The following USP24 variants were observed in gnomAD, a reference collection of about 807,000 sequenced individuals.
The protein encoded by USP24 is ubiquitin carboxyl-terminal hydrolase 24.
USP24 carries 97 observed loss-of-function variants against 361.6 expected under a neutral mutation model. That is an observed-to-expected ratio of 0.27 (90% CI 0.23 to 0.32). USP24 has a LOEUF of 0.32. USP24 is among the 10% of genes least tolerant of loss of function. The pLI is 1.00. For missense variants in USP24, 2,353 were observed against 3,165.6 expected (o/e 0.74, Z 6.16); for synonymous variants, 1,098 against 1,124.6 (o/e 0.98, Z 0.47).
At chr1:55,147,138 T>A (rs745883477) in intron 18 of USP24, 78 bp from the exon 19 acceptor site, 245 of 1,373,044 alleles carry the variant, frequency 1.8e-4, no homozygotes, top group Non-Finnish European at 2.3e-4. Context: ...AACAAAACTT[T>A]AAGTTTTAAC....
chr1:55,076,888 T>C lies in USP24; in HGVS notation c.7380+347A>G, dbSNP rs556169757. On this transcript the variant is annotated intron_variant, in intron 62 of 67. Transcript: ENST00000294383. The stretch of plus-strand genomic sequence containing the variant: ...CCAGAAATGTACCTCTGAGGGTGAC[T>C]GTGAAGTTTAAACCTAATATCATTT... Among the ~76,000 whole-genome samples the C allele has an allele frequency of 2.0e-5, 3 of 152,354 alleles. No homozygotes were observed. The South Asian group carries it at 6.2e-4, about 32-fold the overall frequency.
At chr1:55,072,152 A>C (rs1221115930) in intron 66 of USP24, among the ~76,000 whole-genome samples, 165 bp downstream of exon 66, 3 of 152,082 alleles carry the variant, frequency 2.0e-5, no homozygotes, top group Non-Finnish European at 2.9e-5. Flanking sequence ...AATTTGTGTA[A>C]GTGTACACCA....
intron 3 of USP24, among the ~76,000 whole-genome samples, chr1:55,175,396 T>G (rs1428291064): frequency 6.6e-6 from 1 of 151,924 alleles, no homozygotes; most frequent in African/African-American, 2.4e-5. Context: ...CCAGCTAATT[T>G]TTTGCATTTT....
chr1:55,166,092 A>G, intron 6 of USP24, 142 bp from the exon 7 acceptor site: 2 of 613,084 alleles, frequency 3.3e-6, no homozygotes, highest in Middle Eastern at 4.0e-4. Context: ...TGAAATAAGC[A>G]CATCATGGAG....
intron 53 of USP24, among the ~76,000 whole-genome samples, 165 bp from the exon 54 acceptor site, chr1:55,092,291 AT>A (rs1278435686): frequency 6.6e-6 from 1 of 152,250 alleles, no homozygotes. Context: ...TTATAAAAAA[AT>A]GTTCCATTTA....
chr1:55,166,653 A>G lies in USP24; in HGVS notation c.826-50T>C, dbSNP rs1648896878. 6 of 1,450,484 alleles carry G rather than the reference A, an allele frequency of 4.1e-6. No individual in the cohort carries two copies. In the South Asian group the frequency reaches 6.5e-5, roughly 16 times the overall value. The allele number at this position is 1,450,484 out of a possible 1,614,324, so 89.9% of individuals were successfully genotyped here. Reference sequence around the variant, plus strand: ...GAGATGGCAATATAAAAGCTTCCCCATTAACCCTTACATTTCTTTTATCCT... The same window carrying G: ...GAGATGGCAATATAAAAGCTTCCCCGTTAACCCTTACATTTCTTTTATCCT... On this transcript the variant is annotated intron_variant, in intron 5 of 67. Transcript: ENST00000294383.
At chr1:55,146,409 C>G (rs552781946) in intron 19 of USP24, among the ~76,000 whole-genome samples, 3 of 152,096 alleles carry the variant, frequency 2.0e-5, no homozygotes, top group South Asian at 4.1e-4. Context: ...AATAGTGAAG[C>G]CTTTCGACAA....
chr1:55,139,925 G>T (rs1646841451), intron 24 of USP24, among the ~76,000 whole-genome samples: 1 of 151,994 alleles, frequency 6.6e-6, no homozygotes, highest in Non-Finnish European at 1.5e-5. Context: ...ATAAGTGAGT[G>T]AACTATTTTT....
intron 45 of USP24, among the ~76,000 whole-genome samples, chr1:55,099,471 T>C (rs977515979): frequency 2.0e-5 from 3 of 151,818 alleles, no homozygotes; most frequent in Non-Finnish European, 4.4e-5. Flanking sequence ...GGTGCAAGAA[T>C]CTCTTGTACC....
chr1:55,128,504 T>C (rs1285032539), intron 32 of USP24, among the ~76,000 whole-genome samples: 2 of 152,138 alleles, frequency 1.3e-5, no homozygotes, highest in East Asian at 3.9e-4. Flanking sequence ...TCACTCACCC[T>C]TCCTTCCATT....
chr1:55,159,864 A>C (rs1648089703), intron 8 of USP24, among the ~76,000 whole-genome samples, 179 bp from the exon 9 acceptor site: 1 of 152,244 alleles, frequency 6.6e-6, no homozygotes, highest in African/African-American at 2.4e-5. Flanking sequence ...GACTCTGCTT[A>C]ATCTTAGGTG....
At chr1:55,184,213 C>T (rs899690987) in intron 1 of USP24, among the ~76,000 whole-genome samples, 1 of 152,076 alleles carries the variant, frequency 6.6e-6, no homozygotes, top group African/African-American at 2.4e-5. Context: ...CACACCACCA[C>T]GTCTGGCTAA....
At chr1:55,151,869 C>G in intron 16 of USP24, 1 of 982,202 alleles carries the variant, frequency 1.0e-6, no homozygotes, top group Non-Finnish European at 1.2e-6. Flanking sequence ...ATAGAGGTAG[C>G]TGAGGGTGGG....
In USP24 at chr1:55,138,732, T is replaced by C. The variant is rs781563184; in HGVS notation, c.2818-14A>G. 12 of 1,583,380 alleles carry C rather than the reference T, an allele frequency of 7.6e-6. No homozygotes were observed. In the South Asian group the frequency reaches 1.2e-4, roughly 16 times the overall value. On this transcript the variant is annotated splice_polypyrimidine_tract_variant and intron_variant, in intron 25 of 67. Coordinates refer to ENST00000294383, the MANE Select transcript of USP24 (RefSeq NM_015306.3). ...AGAGTAAAAATCCTTAAAAAACGAA[T>C]AAGTCAAGTCAGATGGACAGCACCA...
At chr1:55,114,340 G>A (rs1366565399) in intron 38 of USP24, among the ~76,000 whole-genome samples, 3 of 152,162 alleles carry the variant, frequency 2.0e-5, no homozygotes, top group Non-Finnish European at 4.4e-5. Context: ...TAGATTCAAC[G>A]CTATCCCCAT....
intron 1 of USP24, among the ~76,000 whole-genome samples, chr1:55,203,879 C>A (rs138722924): frequency 2.9e-3 from 443 of 152,240 alleles, no homozygotes; most frequent in African/African-American, 0.01. Flanking sequence ...CAATAGACAC[C>A]TAACATTTTC....
intron 3 of USP24, among the ~76,000 whole-genome samples, chr1:55,173,926 T>C (rs569910948): frequency 6.6e-6 from 1 of 152,362 alleles, no homozygotes; most frequent in South Asian, 2.1e-4. Flanking sequence ...GCAATCCCTC[T>C]GGCACCATTC....
Position 55,092,162 on chromosome 1 carries a change from C to A in USP24, c.6451-36G>T, listed in dbSNP as rs184375860. 8.8e-4 allele frequency: 1,287 copies of A among 1,458,572 alleles called. 7 individuals are homozygous for A. In the African/African-American group the frequency reaches 0.016, roughly 18 times the overall value. 90.4% of individuals were successfully genotyped at this position (1,458,572 alleles called of 1,614,324 possible). A position where few individuals can be genotyped will look rare whatever the true frequency, so the allele number is the denominator to read the frequency against. On this transcript the variant is annotated intron_variant, in intron 53 of 67. Transcript: ENST00000294383. ...GAAACATGAAAGAGGATATTTTTCA[C>A]AGAAGTTTTATAGATTATTACACAG...
intron 38 of USP24, among the ~76,000 whole-genome samples, chr1:55,115,727 T>C (rs1389290336): frequency 6.6e-6 from 1 of 152,170 alleles, no homozygotes; most frequent in Non-Finnish European, 1.5e-5. Context: ...GGTATGTTTA[T>C]TGTGGCACTG....
Sources: allele counts gnomAD v4.1 joint callset (sites outside exome capture counted in the v4.1 genomes callset), GRCh38; gene constraint gnomAD v4.1.1; transcripts MANE v1.5; gene names NCBI Gene and HGNC (gene_info 2026-07-23, HGNC 2026-07-21).